Variants in CDH12 observed in about 807,000 individuals in gnomAD.
CDH12 encodes the protein cadherin-12.
A neutral mutation model predicts 74.1 loss-of-function variants in CDH12; 41 were observed. The ratio of observed to expected loss-of-function variants is 0.55; its 90% confidence interval spans 0.43 to 0.72. The LOEUF (loss-of-function observed/expected upper bound fraction) is 0.72. Among genes scored for constraint, CDH12 ranks in the 30% least tolerant of loss-of-function variants. The probability of loss-of-function intolerance (pLI) is 0.00; values close to 1 mark genes in which losing one functional copy is unlikely to be tolerated. For synonymous variants in CDH12, 399 were observed against 355.0 expected (o/e 1.12, Z -1.39); for missense variants, 945 against 977.2 (o/e 0.97, Z 0.44).
At position 22,726,396 on chromosome 5, in the gene CDH12, A is replaced by G. The variant is rs530902647; in HGVS notation, c.-523+126662T>C. Reference sequence around the variant, plus strand: ...ATAGCTCATTCCTTTTTAGTGCTAAATAATAATTCATCGTCTAGATGTATT... The same window carrying G: ...ATAGCTCATTCCTTTTTAGTGCTAAGTAATAATTCATCGTCTAGATGTATT... On this transcript the variant is annotated intron_variant, in intron 1 of 14. Transcript: ENST00000382254. 1.3e-3 allele frequency among the ~76,000 whole-genome samples: 191 copies of G among 151,906 alleles called. 1 individual carries two copies. The highest frequency in any genetic ancestry group is 1.9e-3 in the Non-Finnish European group (132 of 67,772).
chr5:22,185,582 T>C (rs1283903560), intron 4 of CDH12, among the ~76,000 whole-genome samples: 1 of 152,242 alleles, frequency 6.6e-6, no homozygotes, highest in Non-Finnish European at 1.5e-5. Context: ...CCTTTTCATG[T>C]AGATGACATT....
chr5:22,465,043 A>G (rs2662508), intron 2 of CDH12, among the ~76,000 whole-genome samples: 1 of 115,122 alleles, frequency 8.7e-6, no homozygotes, highest in Admixed American at 9.3e-5. Flanking sequence ...GAGGGGGGGA[A>G]GGGAGGAAGG....
chr5:21,784,760 A>G (rs530989102), intron 10 of CDH12, among the ~76,000 whole-genome samples: 1 of 152,290 alleles, frequency 6.6e-6, no homozygotes, highest in South Asian at 2.1e-4. Context: ...GTGTATCTCA[A>G]CATAAAAAAC....
chr5:22,494,231 G>A (rs780338653), intron 2 of CDH12, among the ~76,000 whole-genome samples: 4 of 152,204 alleles, frequency 2.6e-5, no homozygotes, highest in Non-Finnish European at 4.4e-5. Context: ...CCAGATTGGC[G>A]TGGGTTTTCC....
At chr5:21,822,076 T>A (rs1748399742) in intron 8 of CDH12, among the ~76,000 whole-genome samples, 1 of 151,958 alleles carries the variant, frequency 6.6e-6, no homozygotes, top group Non-Finnish European at 1.5e-5. Context: ...AACATCCCTC[T>A]TTTCCTGATC....
At chr5:22,126,400 C>T (rs1003231640) in intron 4 of CDH12, among the ~76,000 whole-genome samples, 1 of 152,120 alleles carries the variant, frequency 6.6e-6, no homozygotes, top group African/African-American at 2.4e-5. Context: ...AAAACTACTG[C>T]CTGCATCATA....
At chr5:22,139,854 A>G (rs1296188136) in intron 4 of CDH12, among the ~76,000 whole-genome samples, 1 of 152,162 alleles carries the variant, frequency 6.6e-6, no homozygotes, top group Non-Finnish European at 1.5e-5. Context: ...AGCCTGTCTC[A>G]GTTCATAGAT....
Position 22,694,770 on chromosome 5 carries a change from CAT to C in CDH12, c.-523+158286_-523+158287del, listed in dbSNP as rs139458848. ...AAATTAATGTTTTAAGTTACTATGG[CAT>C]ATATATATACACACACACATATATG... On this transcript the variant is annotated intron_variant, in intron 1 of 14. Coordinates refer to ENST00000382254, the MANE Select transcript of CDH12 (RefSeq NM_004061.5). Among the ~76,000 whole-genome samples the C allele has an allele frequency of 7.0e-3, 1,053 of 151,298 alleles. 10 individuals carry two copies. Among genetic ancestry groups the C allele is most frequent in the Non-Finnish European group, 0.012 (811 of 67,832 alleles).
intron 6 of CDH12, among the ~76,000 whole-genome samples, chr5:21,898,477 C>A (rs969147601): frequency 9.2e-5 from 14 of 151,818 alleles, no homozygotes; most frequent in East Asian, 7.7e-4. Flanking sequence ...CTGAGGCGGG[C>A]GGATCAGGAG....
At chr5:22,548,950 T>C (rs1457893790) in intron 1 of CDH12, among the ~76,000 whole-genome samples, 2 of 151,964 alleles carry the variant, frequency 1.3e-5, no homozygotes, top group African/African-American at 2.4e-5. Context: ...TGTTTGTTTG[T>C]TTTTTAAGTG....
Position 22,489,019 on chromosome 5 carries a change from T to A in CDH12, c.-428+16251A>T, listed in dbSNP as rs1404632691. The stretch of plus-strand genomic sequence containing the variant: ...GACAGCCATTTTTTTTCTATTATTA[T>A]GTTGGTGTGAAAGTAATTGCAGTTT... On this transcript the variant is annotated intron_variant, in intron 2 of 14. Transcript: ENST00000382254. 2.0e-5 allele frequency among the ~76,000 whole-genome samples: 3 copies of A among 149,840 alleles called. No individual in the cohort carries two copies. The Admixed American group carries it at 2.0e-4, about 10-fold the overall frequency.
chr5:21,988,491 CAAAAAAAAAAA>C (rs1157872208), intron 5 of CDH12, among the ~76,000 whole-genome samples: 2,491 of 29,444 alleles, frequency 0.085, 41 homozygotes, highest in Middle Eastern at 0.12. Flanking sequence ...GACTCCGTCT[CAAAAAAAAAAA>C]AAAAAAAAAA....
At chr5:22,526,604 C>A (rs1379530186) in intron 1 of CDH12, among the ~76,000 whole-genome samples, 1 of 152,128 alleles carries the variant, frequency 6.6e-6, no homozygotes, top group Non-Finnish European at 1.5e-5. Flanking sequence ...ATTGATGTCA[C>A]CACCTGGTTA....
At chr5:22,822,039 G>A (rs2126477747) in intron 1 of CDH12, among the ~76,000 whole-genome samples, 1 of 152,288 alleles carries the variant, frequency 6.6e-6, no homozygotes, top group African/African-American at 2.4e-5. Flanking sequence ...CAGAGATATA[G>A]ATCAATGGAA....
chr5:22,258,156 A>T (rs1753385465), intron 3 of CDH12, among the ~76,000 whole-genome samples: 1 of 152,118 alleles, frequency 6.6e-6, no homozygotes, highest in Admixed American at 6.6e-5. Context: ...GAAACTCGAT[A>T]ATAAAAATCA....
chr5:22,047,526 A>AC (rs376473484), intron 5 of CDH12, among the ~76,000 whole-genome samples: 2,927 of 147,984 alleles, frequency 0.02, 58 homozygotes, highest in African/African-American at 0.053. Flanking sequence ...AAAAGTAAAC[A>AC]CCCCCCCCCA....
At chr5:22,661,777 A>T (rs955642238) in intron 1 of CDH12, among the ~76,000 whole-genome samples, 1 of 152,176 alleles carries the variant, frequency 6.6e-6, no homozygotes, top group Non-Finnish European at 1.5e-5. Context: ...AAAGCTGGCC[A>T]GAAATTAGAT....
chr5:21,906,257 G>A (rs1753638165), intron 6 of CDH12, among the ~76,000 whole-genome samples: 1 of 152,218 alleles, frequency 6.6e-6, no homozygotes, highest in South Asian at 2.1e-4. Flanking sequence ...CATGACTTCA[G>A]TCATTTCTTT....
intron 6 of CDH12, chr5:21,883,848 A>T: frequency 6.2e-7 from 1 of 1,606,268 alleles, no homozygotes; most frequent in South Asian, 1.1e-5. Context: ...AAAGAAAGAC[A>T]GAGTTACAGA....
Sources: gnomAD v4.1 joint callset for allele counts (sites outside exome capture counted in the v4.1 genomes callset) on GRCh38, gnomAD v4.1.1 for gene constraint, MANE v1.5 for transcripts, NCBI Gene and HGNC (gene_info 2026-07-23, HGNC 2026-07-21) for gene names.